The following CLMN variants were observed in gnomAD, a reference collection of about 807,000 sequenced individuals.
The protein encoded by CLMN is calmin, also known as calmin (calponin-like, transmembrane).
A neutral mutation model predicts 92.7 loss-of-function variants in CLMN; 57 were observed. The ratio of observed to expected loss-of-function variants is 0.61; its 90% CI spans 0.50 to 0.77. The LOEUF (loss-of-function observed/expected upper bound fraction) is 0.77. Ranked by LOEUF, CLMN falls within the 30% of genes least tolerant of loss-of-function variation. The pLI is 0.00. For missense variants in CLMN, 1,158 were observed against 1,237.5 expected (o/e 0.94, Z 0.96); for synonymous variants, 466 against 470.6 (o/e 0.99, Z 0.13).
Position 95,187,527 on chromosome 14 carries a change from G to C in CLMN, c.*4037C>G, listed in dbSNP as rs867036862. The C allele has an allele frequency of 6.6e-6, 1 of 152,262 alleles. No individual in the cohort carries two copies. Among genetic ancestry groups the C allele is most frequent in the East Asian group, 1.9e-4 (1 of 5,188 alleles). The allele number at this position is 152,262 out of a possible 1,614,324, so 9.4% of individuals were successfully genotyped here. On this transcript the variant is annotated 3_prime_UTR_variant, in exon 13 of 13. Transcript: ENST00000298912. Reference sequence around the variant, plus strand: ...GGATGGGGTGAGACATGGGGCTGAAGACCAGGGCATTTATTGGCTCTGAGG... The same window carrying C: ...GGATGGGGTGAGACATGGGGCTGAACACCAGGGCATTTATTGGCTCTGAGG...
chr14:95,308,137 C>G (rs544845053), intron 1 of CLMN, among the ~76,000 whole-genome samples: 2 of 152,314 alleles, frequency 1.3e-5, no homozygotes, highest in South Asian at 2.1e-4. Flanking sequence ...CAGATCCCCA[C>G]TCTTTTGAGA....
chr14:95,258,568 G>A (rs2140694749), intron 1 of CLMN, among the ~76,000 whole-genome samples: 1 of 149,816 alleles, frequency 6.7e-6, no homozygotes, highest in Non-Finnish European at 1.5e-5. Flanking sequence ...GGTTGTGTGT[G>A]AAGGGTATGT....
chr14:95,188,103 G>A lies in CLMN; in HGVS notation c.*3461C>T, dbSNP rs1421019547. The A allele has an allele frequency of 6.6e-6, 1 of 152,132 alleles. No individual in the cohort carries two copies. Among genetic ancestry groups the A allele is most frequent in the Non-Finnish European group, 1.5e-5 (1 of 68,030 alleles). 9.4% of individuals were successfully genotyped at this position (152,132 alleles called of 1,614,324 possible). On this transcript the variant is annotated 3_prime_UTR_variant, in exon 13 of 13. Transcript: ENST00000298912. Reference sequence around the variant, plus strand: ...CAGTGTTCTCCAATGATGAGTCCAGGTGCCCACCTGGTGACCCTAGTGGAA... The same window carrying A: ...CAGTGTTCTCCAATGATGAGTCCAGATGCCCACCTGGTGACCCTAGTGGAA...
intron 1 of CLMN, among the ~76,000 whole-genome samples, chr14:95,264,750 T>C (rs1941739012): frequency 6.6e-6 from 1 of 152,068 alleles, no homozygotes; most frequent in Non-Finnish European, 1.5e-5. Flanking sequence ...TTCTGTGAAG[T>C]CGTTTTTTAG....
Position 95,194,942 on chromosome 14 carries a change from T to C in CLMN, c.2709-346A>G, listed in dbSNP as rs1896661703. On this transcript the variant is annotated intron_variant, in intron 10 of 12. Transcript: ENST00000298912. The surrounding 1 kb of genome is among the most constrained non-coding windows in gnomAD (Gnocchi z 4.0). ...GTGCTGGGACTCACCAGAGGTTCTC[T>C]GCAATTAGTCAGACCTGGGCCTAGA... Among the ~76,000 whole-genome samples, 1 of 152,242 alleles carries C rather than the reference T, an allele frequency of 6.6e-6. No individual in the cohort carries two copies. Among genetic ancestry groups the C allele is most frequent in the East Asian group, 1.9e-4 (1 of 5,190 alleles).
intron 1 of CLMN, among the ~76,000 whole-genome samples, chr14:95,273,904 TAC>T (rs2140726557): frequency 6.6e-6 from 1 of 152,192 alleles, no homozygotes; most frequent in East Asian, 1.9e-4. Flanking sequence ...CATTCAGACC[TAC>T]GACACGCTCC....
chr14:95,270,317 CTA>C (rs1402667976), intron 1 of CLMN, among the ~76,000 whole-genome samples: 2 of 152,158 alleles, frequency 1.3e-5, no homozygotes, highest in African/African-American at 4.8e-5. Flanking sequence ...TATAATACAC[CTA>C]TTTAAAGCCC....
chr14:95,265,236 G>C (rs1899426212), intron 1 of CLMN, among the ~76,000 whole-genome samples: 1 of 146,064 alleles, frequency 6.8e-6, no homozygotes, highest in Admixed American at 6.7e-5. Flanking sequence ...GTGAGACTCT[G>C]AATCAAAAAA....
chr14:95,245,832 G>A (rs1444049684), intron 1 of CLMN, among the ~76,000 whole-genome samples: 1 of 137,114 alleles, frequency 7.3e-6, no homozygotes, highest in Non-Finnish European at 1.6e-5. Flanking sequence ...GGATGGATAG[G>A]TGGGTGGGTG....
At position 95,221,555 on chromosome 14, in the gene CLMN, T is replaced by G. The variant is rs1015807419; in HGVS notation, c.324+136A>C. ...GTCATCTGAGTGATTTCTGTGAAAT[T>G]TAAGCTTAGTTTAATTTGACCATTT... On this transcript the variant is annotated intron_variant, in intron 4 of 12. Transcript: ENST00000298912. The G allele has an allele frequency of 6.9e-6, 5 of 725,066 alleles. No individual in the cohort carries two copies. The African/African-American group carries it at 8.9e-5, about 13-fold the overall frequency. 44.9% of individuals were successfully genotyped at this position (725,066 alleles called of 1,614,324 possible).
intron 1 of CLMN, among the ~76,000 whole-genome samples, chr14:95,314,801 C>G (rs1901691543): frequency 6.6e-6 from 1 of 152,188 alleles, no homozygotes; most frequent in South Asian, 2.1e-4. Context: ...TGGCCTGACC[C>G]CAGCCACAGT....
At chr14:95,209,967 A>G (rs1009316881) in intron 7 of CLMN, among the ~76,000 whole-genome samples, 4 of 152,226 alleles carry the variant, frequency 2.6e-5, no homozygotes, top group African/African-American at 9.6e-5. Context: ...AGCTTTATTT[A>G]CTAAGATGTT....
At chr14:95,245,212 A>ATATATATAT (rs1898455054) in intron 1 of CLMN, among the ~76,000 whole-genome samples, 5 of 30,994 alleles carry the variant, frequency 1.6e-4, no homozygotes, top group Non-Finnish European at 2.0e-4. Context: ...TATATATTAT[A>ATATATATAT]TATATATATA....
At chr14:95,226,550 G>A (rs1897717407) in intron 2 of CLMN, among the ~76,000 whole-genome samples, 1 of 152,042 alleles carries the variant, frequency 6.6e-6, no homozygotes, top group Non-Finnish European at 1.5e-5. Flanking sequence ...ATCTCTGGGA[G>A]CAGGGTCCAG....
intron 4 of CLMN, among the ~76,000 whole-genome samples, chr14:95,216,407 TC>T (rs1055039594): frequency 1.1e-4 from 16 of 152,214 alleles, no homozygotes; most frequent in African/African-American, 3.9e-4. Context: ...ACTTCTATTG[TC>T]CCTCCAGTTC....
Position 95,202,893 on chromosome 14 carries a change from T to C in CLMN, c.2456A>G (p.His819Arg). 1.9e-6 allele frequency: 3 copies of C among 1,577,654 alleles called. No homozygotes were observed. The highest frequency in any genetic ancestry group is 4.5e-5 in the East Asian group (2 of 44,664). The change falls in exon 9 of 13, where the codon CAT becomes CGT. Residue 819 changes from histidine to arginine, a missense_variant. Physicochemically the swap from His to Arg is conservative, Grantham distance 29 (BLOSUM62 0). Coordinates refer to ENST00000298912, the MANE Select transcript of CLMN (RefSeq NM_024734.4). ...PASEPAPLAP[H>R]EDHQQRETKE... ...GGTCTCCCTTTGCTGGTGGTCCTCATGGGGGGCCAGTGGAGCGGGTTCTGA... is the reference window on the plus strand; with the variant it reads ...GGTCTCCCTTTGCTGGTGGTCCTCACGGGGGGCCAGTGGAGCGGGTTCTGA...
chr14:95,202,693 G>T, intron 9 of CLMN, 145 bp downstream of exon 9: 1 of 845,690 alleles, frequency 1.2e-6, no homozygotes, highest in Non-Finnish European at 1.7e-6. Flanking sequence ...CCTCACAGTA[G>T]GTGCCTCTTT....
intron 1 of CLMN, among the ~76,000 whole-genome samples, chr14:95,269,147 G>T (rs1595079132): frequency 6.6e-6 from 1 of 151,912 alleles, no homozygotes. Flanking sequence ...AAAATGAAAG[G>T]TTAAAAATAA....
chr14:95,198,464 G>A (rs1458580730), intron 9 of CLMN, among the ~76,000 whole-genome samples: 2 of 152,002 alleles, frequency 1.3e-5, no homozygotes, highest in African/African-American at 4.8e-5. Flanking sequence ...CAAACGGGCT[G>A]TACCCTCCCC....
Sources: allele counts gnomAD v4.1 joint callset (sites outside exome capture counted in the v4.1 genomes callset), GRCh38; gene constraint gnomAD v4.1.1; non-coding constraint Gnocchi (gnomAD v3.1); transcripts MANE v1.5; gene names NCBI Gene and HGNC (gene_info 2026-07-23, HGNC 2026-07-21).